The following MOB3B variants were observed in gnomAD, a reference collection of about 807,000 sequenced individuals.
MOB3B encodes MOB kinase activator 3B, also known as MOB kinase activator-like 2B.
A neutral mutation model predicts 18.7 loss-of-function variants in MOB3B; 7 were observed. The ratio of observed to expected loss-of-function variants is 0.37; its 90% CI spans 0.21 to 0.70. The LOEUF (loss-of-function observed/expected upper bound fraction) is 0.70. Ranked by LOEUF, MOB3B falls within the 30% of genes least tolerant of loss-of-function variation. The probability of loss-of-function intolerance (pLI) is 0.52; values close to 1 mark genes in which losing one functional copy is unlikely to be tolerated. For missense variants in MOB3B, 253 were observed against 281.3 expected, an observed-to-expected ratio of 0.90 and a Z score of 0.72; for synonymous variants, 111 against 99.9, an observed-to-expected ratio of 1.11 and a Z score of -0.66.
At chr9:27,478,480 A>T (rs1819594963) in intron 1 of MOB3B, among the ~76,000 whole-genome samples, 1 of 152,212 alleles carries the variant, frequency 6.6e-6, no homozygotes, top group African/African-American at 2.4e-5. Context: ...TGAAAAAAAG[A>T]ACTAATTTGA....
intron 1 of MOB3B, among the ~76,000 whole-genome samples, chr9:27,494,936 T>G (rs1341739676): frequency 6.6e-6 from 1 of 152,180 alleles, no homozygotes; most frequent in Non-Finnish European, 1.5e-5. Context: ...CAGGTCTGGT[T>G]CAGGTGATGC....
intron 2 of MOB3B, among the ~76,000 whole-genome samples, chr9:27,374,255 G>A (rs970847609): frequency 6.6e-6 from 1 of 150,762 alleles, no homozygotes; most frequent in African/African-American, 2.5e-5. Context: ...ACTAAGAGAG[G>A]CTGCATCACT....
chr9:27,333,408 T>G (rs924259063), intron 3 of MOB3B, among the ~76,000 whole-genome samples: 2 of 152,156 alleles, frequency 1.3e-5, no homozygotes, highest in Admixed American at 6.5e-5. Context: ...TTCCATCGCT[T>G]TCTTCATCAG....
chr9:27,516,471 A>G (rs1820236053), intron 1 of MOB3B, among the ~76,000 whole-genome samples: 1 of 152,248 alleles, frequency 6.6e-6, no homozygotes, highest in Admixed American at 6.5e-5. Flanking sequence ...TTCTGAGCTT[A>G]AAAGAATCAC....
chr9:27,354,601 G>C (rs1459408613), intron 3 of MOB3B, among the ~76,000 whole-genome samples: 1 of 152,194 alleles, frequency 6.6e-6, no homozygotes, highest in Non-Finnish European at 1.5e-5. Flanking sequence ...GATAAGGGGC[G>C]TATTGAAGAG....
chr9:27,483,625 A>G (rs1226118522), intron 1 of MOB3B, among the ~76,000 whole-genome samples: 3 of 152,234 alleles, frequency 2.0e-5, no homozygotes, highest in African/African-American at 7.2e-5. Flanking sequence ...TTACAGTCAA[A>G]TGATTTCAAA....
At chr9:27,498,130 G>A (rs1445974123) in intron 1 of MOB3B, among the ~76,000 whole-genome samples, 1 of 152,084 alleles carries the variant, frequency 6.6e-6, no homozygotes, top group East Asian at 1.9e-4. Context: ...TTGATTCCCA[G>A]CCCACAGAAA....
At chr9:27,385,814 C>T (rs1287641576) in intron 2 of MOB3B, among the ~76,000 whole-genome samples, 1 of 152,232 alleles carries the variant, frequency 6.6e-6, no homozygotes, top group African/African-American at 2.4e-5. Context: ...TGCTCAAGCA[C>T]CTACTTGCTC....
chr9:27,371,858 C>T (rs1445939451), intron 2 of MOB3B, among the ~76,000 whole-genome samples: 1 of 151,950 alleles, frequency 6.6e-6, no homozygotes, highest in Non-Finnish European at 1.5e-5. Context: ...TACATGAAAC[C>T]TCCCCGTGGT....
chr9:27,524,349 C>A lies in MOB3B; in HGVS notation c.-199+5206G>T, dbSNP rs185197750. On this transcript the variant is annotated intron_variant, in intron 1 of 3. Coordinates refer to ENST00000262244, the MANE Select transcript of MOB3B (RefSeq NM_024761.5). ...GCTTGCAAAAAAAATGAGCACCAAA[C>A]CTGATATGATTCAAAAGTGTTTGTG... The A allele has an allele frequency of 6.8e-6, 11 of 1,611,376 alleles. No homozygotes were observed. The African/African-American group carries it at 1.2e-4, about 18-fold the overall frequency.
chr9:27,451,085 A>G (rs1822775725), intron 2 of MOB3B, among the ~76,000 whole-genome samples: 1 of 152,170 alleles, frequency 6.6e-6, no homozygotes, highest in South Asian at 2.1e-4. Context: ...GAGGACCTCT[A>G]AGTTTGCTAC....
At chr9:27,448,768 C>G (rs1480008136) in intron 2 of MOB3B, among the ~76,000 whole-genome samples, 1 of 152,148 alleles carries the variant, frequency 6.6e-6, no homozygotes, top group East Asian at 1.9e-4. Context: ...GGAAGCCAAA[C>G]AGTTTACTAG....
intron 2 of MOB3B, among the ~76,000 whole-genome samples, chr9:27,449,676 A>G (rs895003967): frequency 1.3e-5 from 2 of 152,180 alleles, no homozygotes; most frequent in Non-Finnish European, 2.9e-5. Flanking sequence ...GAGACATACA[A>G]TAGAAAATAA....
chr9:27,354,854 T>C (rs1052075748), intron 3 of MOB3B, among the ~76,000 whole-genome samples: 2 of 152,184 alleles, frequency 1.3e-5, no homozygotes, highest in African/African-American at 4.8e-5. Flanking sequence ...AAAGAGGTCA[T>C]GGGAGCTAGG....
At chr9:27,413,592 G>A (rs1016715235) in intron 2 of MOB3B, among the ~76,000 whole-genome samples, 1 of 152,184 alleles carries the variant, frequency 6.6e-6, no homozygotes, top group Non-Finnish European at 1.5e-5. Context: ...GATTGGAGAG[G>A]GGAAAGAGCG....
intron 2 of MOB3B, among the ~76,000 whole-genome samples, chr9:27,394,650 AC>A (rs1288412230): frequency 6.6e-6 from 1 of 152,214 alleles, no homozygotes; most frequent in African/African-American, 2.4e-5. Context: ...TGACGGTCAC[AC>A]CTACTTATGC....
At chr9:27,412,698 G>A (rs943038533) in intron 2 of MOB3B, among the ~76,000 whole-genome samples, 1 of 152,116 alleles carries the variant, frequency 6.6e-6, no homozygotes, top group Admixed American at 6.6e-5. Flanking sequence ...AGACAGTGAT[G>A]GGGGTTTAAG....
intron 1 of MOB3B, among the ~76,000 whole-genome samples, chr9:27,472,136 G>A (rs1819481714): frequency 6.6e-6 from 1 of 152,042 alleles, no homozygotes; most frequent in Non-Finnish European, 1.5e-5. Context: ...AAAGAGTGAA[G>A]GGTGTAAATT....
chr9:27,441,811 T>A (rs1230159441), intron 2 of MOB3B, among the ~76,000 whole-genome samples: 1 of 152,076 alleles, frequency 6.6e-6, no homozygotes, highest in African/African-American at 2.4e-5. Flanking sequence ...GCCTACTAGG[T>A]ACAAAGGACT....
Sources: allele counts gnomAD v4.1 joint callset (sites outside exome capture counted in the v4.1 genomes callset), GRCh38; gene constraint gnomAD v4.1.1; transcripts MANE v1.5; gene names NCBI Gene and HGNC (gene_info 2026-07-23, HGNC 2026-07-21).